The following LTN1 variants were observed in gnomAD, a reference collection of about 807,000 sequenced individuals.
The protein encoded by LTN1 is E3 ubiquitin-protein ligase listerin.
Under a neutral mutation model 201.2 loss-of-function variants are expected in LTN1, and 88 were observed. The observed-to-expected ratio is 0.44, with a 90% CI of 0.37 to 0.52. The LOEUF (loss-of-function observed/expected upper bound fraction) is 0.52, where lower values mean the gene tolerates loss of function less well. Among genes scored for constraint, LTN1 ranks in the 20% least tolerant of loss-of-function variants. The probability of loss-of-function intolerance (pLI) is 0.00; values close to 1 mark genes in which losing one functional copy is unlikely to be tolerated. For synonymous variants in LTN1, 645 were observed against 713.5 expected (o/e 0.90, Z 1.53); for missense variants, 1,752 against 2,038.7 (o/e 0.86, Z 2.71).
At position 28,991,245 on chromosome 21, in the gene LTN1, C is replaced by G. The variant is rs192704377; in HGVS notation, c.42+1519G>C. 5.4e-5 allele frequency among the ~76,000 whole-genome samples: 8 copies of G among 149,416 alleles called. 1 individual carries two copies. In the East Asian group the frequency reaches 1.6e-3, roughly 29 times the overall value. ...GGTTGACACTGCAGTGGGCCATGAT[C>G]ATACCACCACACTCCAGGTTTGGAG... is the stretch of plus-strand genomic sequence containing the variant. On this transcript the variant is annotated intron_variant, in intron 1 of 29. Transcript: ENST00000361371.
chr21:28,938,354 A>G (rs2084272281), intron 25 of LTN1, among the ~76,000 whole-genome samples: 1 of 152,248 alleles, frequency 6.6e-6, no homozygotes, highest in South Asian at 2.1e-4. Context: ...GCAGAAAAAA[A>G]GTAAATACAG....
intron 14 of LTN1, 88 bp downstream of exon 14, chr21:28,958,298 A>C: frequency 8.0e-7 from 1 of 1,244,996 alleles, no homozygotes; most frequent in Non-Finnish European, 1.1e-6. Context: ...GTCATTTTTC[A>C]TAGGCACTCA....
chr21:28,976,810 G>T (rs2084618773), intron 6 of LTN1, among the ~76,000 whole-genome samples: 2 of 152,170 alleles, frequency 1.3e-5, no homozygotes, highest in Admixed American at 6.5e-5. Context: ...CTGGAGTGCA[G>T]TGGCAGTGCA....
At chr21:28,990,415 C>T (rs1342642226) in intron 1 of LTN1, among the ~76,000 whole-genome samples, 1 of 152,224 alleles carries the variant, frequency 6.6e-6, no homozygotes, top group African/African-American at 2.4e-5. Flanking sequence ...GTAATTAATT[C>T]ATTAGTTGGG....
chr21:28,964,126 C>T (rs934887630), intron 11 of LTN1, among the ~76,000 whole-genome samples: 2 of 152,188 alleles, frequency 1.3e-5, no homozygotes, highest in Non-Finnish European at 2.9e-5. Flanking sequence ...TTAGATGATA[C>T]AGCAGTGGCA....
At chr21:28,937,166 T>C (rs573196784) in intron 25 of LTN1, among the ~76,000 whole-genome samples, 3 of 152,302 alleles carry the variant, frequency 2.0e-5, no homozygotes, top group South Asian at 4.1e-4. Flanking sequence ...GGATTTCTGA[T>C]TTCTCTTTTA....
chr21:28,960,385 GAA>G, intron 12 of LTN1, 130 bp downstream of exon 12: 2 of 526,146 alleles, frequency 3.8e-6, no homozygotes, highest in Non-Finnish European at 6.0e-6. Context: ...GAAAAGAAAA[GAA>G]AAAAAAAAAT....
At chr21:28,967,262 A>AGATTCCAAGG in intron 9 of LTN1, 83 bp from the exon 10 acceptor site, 3 of 981,124 alleles carry the variant, frequency 3.1e-6, no homozygotes, top group Non-Finnish European at 4.5e-6. Context: ...AAATCCTTGG[A>AGATTCCAAGG]ATCTCCAAAG....
rs376529464 is a variant in LTN1 at position 28,941,287 on chromosome 21, C to T, written c.4415G>A (p.Cys1472Tyr). 8.2e-5 allele frequency: 133 copies of T among 1,613,276 alleles called. No homozygotes were observed. The highest frequency in any genetic ancestry group is 1.1e-4 in the Non-Finnish European group (128 of 1,179,632). ...AGTGAGAAGGTATCCCAGAACATAA[C>T]AGAAGTCTTCACTCAGTGGTTTAAT... ...VTIKPLSEDF[C>Y]YVLGYLLTWK... Residue 1472 changes from cysteine (C) to tyrosine (Y), a missense_variant, in exon 25 of 30, where the codon TGT becomes TAT. Physicochemically the swap from Cys to Tyr is radical, Grantham distance 194. This residue lies in a region of LTN1 where 1,211 missense variants were observed against 1,312.8 expected (regional missense o/e 0.92). Coordinates refer to ENST00000361371, the MANE Select transcript of LTN1 (RefSeq NM_015565.3).
At chr21:28,947,997 C>G (rs939236898) in intron 18 of LTN1, among the ~76,000 whole-genome samples, 5 of 151,334 alleles carry the variant, frequency 3.3e-5, no homozygotes, top group Non-Finnish European at 7.4e-5. Flanking sequence ...TTGAGACCAG[C>G]CTGGCGAACA....
At chr21:28,931,614 T>C (rs540451753) in intron 28 of LTN1, among the ~76,000 whole-genome samples, 1 of 152,348 alleles carries the variant, frequency 6.6e-6, no homozygotes, top group Admixed American at 6.5e-5. Flanking sequence ...AATTAAATCA[T>C]TTAGGTTAGT....
chr21:28,935,100 A>C lies in LTN1; in HGVS notation c.4875+9T>G. On this transcript the variant is annotated intron_variant, in intron 27 of 29. Coordinates refer to ENST00000361371, the MANE Select transcript of LTN1 (RefSeq NM_015565.3). ...CAACTTTTCTAGAGAAAGTCAAGACAATACTAACCGTCATGCCATTAAATA... is the reference window on the plus strand; with the variant it reads ...CAACTTTTCTAGAGAAAGTCAAGACCATACTAACCGTCATGCCATTAAATA... 6.4e-7 allele frequency: 1 copy of C among 1,570,260 alleles called. No individual in the cohort carries two copies. Among genetic ancestry groups the C allele is most frequent in the Non-Finnish European group, 8.8e-7 (1 of 1,141,232 alleles).
chr21:28,965,685 C>T (rs970468950), intron 11 of LTN1, among the ~76,000 whole-genome samples, 180 bp downstream of exon 11: 10 of 152,036 alleles, frequency 6.6e-5, no homozygotes, highest in African/African-American at 2.4e-4. Flanking sequence ...AATACTACTA[C>T]AGGAAAGGAA....
At position 28,928,218 on chromosome 21, in the gene LTN1, C is replaced by T. The variant is rs987659066; in HGVS notation, c.*2230G>A. 176 of 152,324 alleles carry T rather than the reference C, an allele frequency of 1.2e-3. 14 individuals carry two copies. 9.4% of individuals were successfully genotyped at this position (152,324 alleles called of 1,614,324 possible). A position where few individuals can be genotyped will look rare whatever the true frequency, so the allele number is the denominator to read the frequency against. The stretch of plus-strand genomic sequence containing the variant: ...ATGGCAAAATAGTATGTGAAGGGTA[C>T]AAGGGCATTTATATTATTATTTTTC... On this transcript the variant is annotated 3_prime_UTR_variant, in exon 30 of 30. Transcript: ENST00000361371.
chr21:28,985,708 G>A (rs1025653095), intron 3 of LTN1, among the ~76,000 whole-genome samples: 14 of 149,092 alleles, frequency 9.4e-5, no homozygotes, highest in African/African-American at 3.5e-4. Flanking sequence ...TGTCCAGGCT[G>A]GAGTGCAGTG....
chr21:28,956,553 A>G (rs940427004), intron 16 of LTN1, among the ~76,000 whole-genome samples: 1 of 152,208 alleles, frequency 6.6e-6, no homozygotes, highest in Non-Finnish European at 1.5e-5. Context: ...CACAGTTAAC[A>G]AGATTATAGC....
intron 12 of LTN1, 127 bp downstream of exon 12, chr21:28,960,390 A>G (rs1012777813): frequency 1.1e-4 from 75 of 689,742 alleles, no homozygotes; most frequent in Non-Finnish European, 1.6e-4. Flanking sequence ...GAAAAGAAAA[A>G]AAAAAATTTG....
At position 28,931,215 on chromosome 21, in the gene LTN1, G is replaced by A. The variant is rs769158546; in HGVS notation, c.5178C>T (p.Asn1726=). 3.7e-6 allele frequency: 6 copies of A among 1,613,410 alleles called. No homozygotes were observed. The highest frequency in any genetic ancestry group is 5.1e-6 in the Non-Finnish European group (6 of 1,179,578). The change falls in exon 29 of 30, where the codon AAC becomes AAT. Residue 1726 remains asparagine, a synonymous_variant. Transcript: ENST00000361371. ...MICFSVIHGF[N]YSLPKKACRT... ...TACAGGCTTTTTTGGGAAGGGAATA[G>A]TTGAAACCGTGAATGACTGAGAAAC...
chr21:28,992,084 A>C (rs2084750745), intron 1 of LTN1, among the ~76,000 whole-genome samples: 1 of 152,210 alleles, frequency 6.6e-6, no homozygotes, highest in Non-Finnish European at 1.5e-5. Context: ...AGTAAAATAA[A>C]GTAGGAAGAA....
Sources: allele counts gnomAD v4.1 joint callset (sites outside exome capture counted in the v4.1 genomes callset), GRCh38; gene constraint gnomAD v4.1.1; regional missense constraint gnomAD v4.1.1; transcripts MANE v1.5; gene names NCBI Gene and HGNC (gene_info 2026-07-23, HGNC 2026-07-21).